Variants in GDAP1 observed in about 807,000 individuals in gnomAD.
The protein encoded by GDAP1 is ganglioside induced differentiation associated protein 1.
In GDAP1, 34 loss-of-function variants were observed where a neutral mutation model predicts 40.1. That is an observed-to-expected ratio of 0.85 (90% confidence interval 0.64 to 1.13). GDAP1 has a LOEUF of 1.13. Ranked by LOEUF, GDAP1 falls within the 50% of genes most tolerant of loss-of-function variation. GDAP1 has a pLI of 0.00. For synonymous variants in GDAP1, 170 were observed against 157.4 expected, an observed-to-expected ratio of 1.08 and a Z score of -0.60; for missense variants, 374 against 433.7, an observed-to-expected ratio of 0.86 and a Z score of 1.22.
intron 2 of GDAP1, among the ~76,000 whole-genome samples, chr8:74,376,189 G>C (rs1419153589): frequency 1.3e-5 from 2 of 152,184 alleles, no homozygotes; most frequent in African/African-American, 2.4e-5. Context: ...CTCCGCAAAT[G>C]TATCTGTAGA....
At chr8:74,368,856 C>T (rs1459892171), downstream of GDAP1, among the ~76,000 whole-genome samples, 2 of 152,128 alleles carry the variant, frequency 1.3e-5, no homozygotes, top group Non-Finnish European at 2.9e-5. Context: ...GCCTCTACCT[C>T]CTAAATGCCT....
chr8:74,404,095 G>A (rs1805604475), intron 2 of GDAP1, among the ~76,000 whole-genome samples: 2 of 149,726 alleles, frequency 1.3e-5, no homozygotes, highest in African/African-American at 2.6e-5. Context: ...AATGATAATG[G>A]CTATTTCTTG....
At position 74,417,295 on chromosome 8, in the gene GDAP1, A is replaced by G. The variant is rs149144282; in HGVS notation, c.165+65974A>G. Among the ~76,000 whole-genome samples, 836 of 150,354 alleles carry G rather than the reference A, an allele frequency of 5.6e-3. 5 individuals carry two copies. Among genetic ancestry groups the G allele is most frequent in the Middle Eastern group, 0.014 (4 of 294 alleles). ...TAAAAACTTTAGAGCCAATATCACA[A>G]TTGACAGTGAAAGACTGAATGATTT... On this transcript the variant is annotated intron_variant, in intron 2 of 2. Coordinates refer to the GDAP1 transcript ENST00000523640.
At chr8:74,431,880 T>C (rs1192845304) in intron 2 of GDAP1, among the ~76,000 whole-genome samples, 2 of 152,320 alleles carry the variant, frequency 1.3e-5, no homozygotes, top group East Asian at 1.9e-4. Context: ...AAATACGTGA[T>C]TGTGGGAAAA....
At chr8:74,391,285 G>T (rs962828064) in intron 2 of GDAP1, among the ~76,000 whole-genome samples, 2 of 152,086 alleles carry the variant, frequency 1.3e-5, no homozygotes, top group African/African-American at 4.8e-5. Flanking sequence ...CCAGTTTTGT[G>T]CTTGAAACCC....
intron 2 of GDAP1, among the ~76,000 whole-genome samples, chr8:74,359,775 G>A (rs1276282141): frequency 9.9e-5 from 15 of 152,240 alleles, no homozygotes; most frequent in Admixed American, 7.2e-4. Context: ...AACAGAGTGT[G>A]TGTAATGTGT....
chr8:74,430,397 G>C (rs1014437328), intron 2 of GDAP1, among the ~76,000 whole-genome samples: 1 of 152,168 alleles, frequency 6.6e-6, no homozygotes, highest in Non-Finnish European at 1.5e-5. Context: ...AATTCCCAGA[G>C]TAAGAAGCTA....
intron 2 of GDAP1, among the ~76,000 whole-genome samples, chr8:74,428,661 T>TTTTTTA (rs1805985441): frequency 6.9e-6 from 1 of 143,986 alleles, no homozygotes; most frequent in Admixed American, 7.0e-5. Context: ...TTTTTTTTTT[T>TTTTTTA]AGTAGAGACA....
chr8:74,371,376 T>TA (rs1370305355), downstream of GDAP1, among the ~76,000 whole-genome samples: 1 of 152,096 alleles, frequency 6.6e-6, no homozygotes, highest in East Asian at 1.9e-4. Flanking sequence ...AATAAGAAAA[T>TA]ATGGCCGGGC....
At chr8:74,383,274 G>GT (rs970764343) in intron 2 of GDAP1, among the ~76,000 whole-genome samples, 1 of 152,184 alleles carries the variant, frequency 6.6e-6, no homozygotes, top group Non-Finnish European at 1.5e-5. Context: ...AATTTCACCT[G>GT]TTTGCAGGTT....
In GDAP1 at chr8:74,373,830, G is replaced by C. The variant is rs566655468; in HGVS notation, c.165+22509G>C. 2.6e-5 allele frequency among the ~76,000 whole-genome samples: 4 copies of C among 152,272 alleles called. No homozygotes were observed. The East Asian group carries it at 7.7e-4, about 29-fold the overall frequency. ...TGGTGAGAGAGGGCATCCCTGTCTTGTGCCAGTTTTCAAAGGGAATGCTTC... is the reference window on the plus strand; with the variant it reads ...TGGTGAGAGAGGGCATCCCTGTCTTCTGCCAGTTTTCAAAGGGAATGCTTC... On this transcript the variant is annotated intron_variant, in intron 2 of 2. Coordinates refer to the GDAP1 transcript ENST00000523640.
rs538412810 is a variant in GDAP1, at chr8:74,360,284, C to A, written c.458C>A (p.Pro153Gln). ...HPELTVDSMI[P>Q]AYATTRIRSQ... ...GAGTTAACTGTGGACTCCATGATCCCGGCTTATGCAACTACAAGGATTCGT... is the reference window on the plus strand; with the variant it reads ...GAGTTAACTGTGGACTCCATGATCCAGGCTTATGCAACTACAAGGATTCGT... The change falls in exon 3 of 6, where the codon CCG (proline) becomes CAG (glutamine). Residue 153 changes from proline to glutamine, a missense_variant. Pro to Gln is a moderately conservative substitution (Grantham distance 76, BLOSUM62 -1). Transcript: ENST00000220822. 6.8e-6 allele frequency: 11 copies of A among 1,613,894 alleles called. No individual in the cohort carries two copies. The highest frequency in any genetic ancestry group is 9.3e-6 in the Non-Finnish European group (11 of 1,179,822).
downstream of GDAP1, among the ~76,000 whole-genome samples, chr8:74,368,846 G>A (rs1217859158): frequency 1.3e-5 from 2 of 152,088 alleles, no homozygotes; most frequent in African/African-American, 4.8e-5. Flanking sequence ...AGCTTCCTTG[G>A]CCTCTACCTC....
At chr8:74,437,244 A>AG (rs1806104065) in intron 2 of GDAP1, among the ~76,000 whole-genome samples, 1 of 152,198 alleles carries the variant, frequency 6.6e-6, no homozygotes, top group East Asian at 1.9e-4. Context: ...GATCTTAGAG[A>AG]TTACCTGGTT....
At chr8:74,472,289 A>G (rs1057332053) in intron 2 of GDAP1, among the ~76,000 whole-genome samples, 5 of 152,240 alleles carry the variant, frequency 3.3e-5, no homozygotes, top group Non-Finnish European at 7.3e-5. Flanking sequence ...ATGACTGCAT[A>G]GTATTCCATA....
intron 2 of GDAP1, among the ~76,000 whole-genome samples, chr8:74,394,959 G>T (rs1810171172): frequency 6.6e-6 from 1 of 152,206 alleles, no homozygotes; most frequent in Non-Finnish European, 1.5e-5. Flanking sequence ...CAGAGGCCCA[G>T]AAATTGCTGC....
At chr8:74,471,651 A>T (rs1055021163) in intron 2 of GDAP1, among the ~76,000 whole-genome samples, 1 of 152,130 alleles carries the variant, frequency 6.6e-6, no homozygotes, top group African/African-American at 2.4e-5. Flanking sequence ...TTTAATTTTC[A>T]TTACCCTGTT....
intron 2 of GDAP1, among the ~76,000 whole-genome samples, chr8:74,462,579 C>T (rs1806414314): frequency 6.6e-6 from 1 of 152,124 alleles, no homozygotes; most frequent in Admixed American, 6.5e-5. Context: ...GAAATGGTAC[C>T]TACCAAATAG....
intron 2 of GDAP1, among the ~76,000 whole-genome samples, chr8:74,401,860 A>G (rs1198256769): frequency 2.0e-5 from 3 of 150,042 alleles, no homozygotes; most frequent in Non-Finnish European, 2.9e-5. Context: ...CGGTGTCTGC[A>G]GAACAGCGGA....
Sources: allele counts gnomAD v4.1 joint callset (sites outside exome capture counted in the v4.1 genomes callset), GRCh38; gene constraint gnomAD v4.1.1; transcripts MANE v1.5; gene names NCBI Gene and HGNC (gene_info 2026-07-23, HGNC 2026-07-21).